The following MTUS1 variants were observed in gnomAD, a reference collection of about 807,000 sequenced individuals.
MTUS1 encodes the protein microtubule associated scaffold protein 1, also known as microtubule-associated tumor suppressor 1.
In MTUS1, 109 loss-of-function variants were observed where a neutral mutation model predicts 120.8. The ratio of observed to expected loss-of-function variants is 0.90; its 90% CI spans 0.77 to 1.06. MTUS1 has a LOEUF of 1.06. Among genes scored for constraint, MTUS1 ranks in the 50% least tolerant of loss-of-function variants. The pLI, the probability that MTUS1 is intolerant of heterozygous loss-of-function variation, is 0.00. For synonymous variants in MTUS1, 737 were observed against 550.5 expected (o/e 1.34, Z -4.74); for missense variants, 2,210 against 1,486.3 (o/e 1.49, Z -8.01).
At position 17,763,602 on chromosome 8, in the gene MTUS1, G is replaced by A. The variant is rs575662240; in HGVS notation, c.-154-7641C>T. Among the ~76,000 whole-genome samples, 41 of 152,110 alleles carry A rather than the reference G, an allele frequency of 2.7e-4. 1 individual carries two copies. Among genetic ancestry groups the A allele is most frequent in the African/African-American group, 8.9e-4 (37 of 41,508 alleles). The stretch of plus-strand genomic sequence containing the variant: ...TCTTTTTTTCTCTTGGGAATGAGCT[G>A]CCCACCAGAGCCAGGACGACGGTGC... On this transcript the variant is annotated intron_variant, in intron 1 of 14. Transcript: ENST00000693296.
At chr8:17,758,427 T>G (rs2048789085) in intron 1 of MTUS1, among the ~76,000 whole-genome samples, 1 of 152,248 alleles carries the variant, frequency 6.6e-6, no homozygotes, top group South Asian at 2.1e-4. Flanking sequence ...ATGGAAAGTG[T>G]AAATTTGTGA....
intron 1 of MTUS1, among the ~76,000 whole-genome samples, chr8:17,795,408 G>A (rs1187109096): frequency 1.3e-5 from 2 of 152,124 alleles, no homozygotes; most frequent in East Asian, 3.9e-4. Context: ...TCATGCTTAA[G>A]ACACAATTTA....
chr8:17,759,173 GC>G (rs1216049414), intron 1 of MTUS1, among the ~76,000 whole-genome samples: 38 of 152,120 alleles, frequency 2.5e-4, no homozygotes, highest in African/African-American at 7.7e-4. Context: ...GAGCCACCAT[GC>G]CCGGCCCCAA....
intron 1 of MTUS1, among the ~76,000 whole-genome samples, chr8:17,787,948 C>T (rs1378838359): frequency 6.6e-6 from 1 of 152,142 alleles, no homozygotes; most frequent in Non-Finnish European, 1.5e-5. Context: ...GGTGAAACCC[C>T]ACCTGCACTA....
intron 4 of MTUS1, among the ~76,000 whole-genome samples, chr8:17,722,925 C>A (rs2045943501): frequency 6.6e-6 from 1 of 152,226 alleles, no homozygotes; most frequent in African/African-American, 2.4e-5. Context: ...CTCCTCTCCA[C>A]ACCCTTGTGT....
intron 4 of MTUS1, chr8:17,721,930 G>C (rs780399957): frequency 5.0e-6 from 8 of 1,593,710 alleles, no homozygotes; most frequent in Non-Finnish European, 6.8e-6. Flanking sequence ...GCTTAAGCAG[G>C]AAAAACTGCA....
At chr8:17,662,896 A>C (rs1810073448) in intron 8 of MTUS1, among the ~76,000 whole-genome samples, 1 of 151,988 alleles carries the variant, frequency 6.6e-6, no homozygotes, top group East Asian at 1.9e-4. Flanking sequence ...AAGGGGAGGA[A>C]GGAGAAGAAG....
At position 17,755,141 on chromosome 8, in the gene MTUS1, A is replaced by G. The variant is rs1432402926; in HGVS notation, c.667T>C (p.Tyr223His). The G allele has an allele frequency of 6.2e-7, 1 of 1,614,094 alleles. No individual in the cohort carries two copies. The highest frequency in any genetic ancestry group is 8.5e-7 in the Non-Finnish European group (1 of 1,180,006). Residue 223 changes from tyrosine (Y) to histidine (H), a missense_variant, in exon 2 of 15, where the codon TAT becomes CAT. Tyr to His is a moderately conservative substitution (Grantham distance 83). Transcript: ENST00000693296. ...GGGTTTTCAAAGCTTTCTCTATCAT[A>G]AGTAGTTTCTCTTGCATGCGTCTTA... ...SDKTHARETT[Y>H]DRESFENPQV... is the part of the protein sequence containing the mutation.
chr8:17,654,662 T>C lies in MTUS1; in HGVS notation c.3113A>G (p.Asp1038Gly). ...KYKMQLQEQF[D>G]NLNAAHETSK... ...GGTTTCATGCGCAGCATTTAAGTTG[T>C]CAAACTGTAAGCAACAAACAAAACC... is the stretch of plus-strand genomic sequence containing the variant. The change falls in exon 10 of 15, where the codon GAC (aspartate) becomes GGC (glycine). Residue 1038 changes from aspartate to glycine, a missense_variant. Asp to Gly is a moderately conservative substitution (Grantham distance 94). Coordinates refer to ENST00000693296, the MANE Select transcript of MTUS1 (RefSeq NM_001363059.2). 6.2e-7 allele frequency: 1 copy of C among 1,612,156 alleles called. No individual in the cohort carries two copies.
chr8:17,733,092 C>A (rs1218245396), intron 3 of MTUS1, among the ~76,000 whole-genome samples: 1 of 152,042 alleles, frequency 6.6e-6, no homozygotes, highest in Non-Finnish European at 1.5e-5. Context: ...GCCTCACGCC[C>A]GTAATCCCAG....
rs78863030 is a variant in MTUS1 at position 17,778,984 on chromosome 8, C to G, written c.-155+22077G>C. ...CTGCTATGAGCTAGTACAGAGTGAA[C>G]AAAATAGACAAAAAAATAGACACAA... On this transcript the variant is annotated intron_variant, in intron 1 of 14. Transcript: ENST00000693296. Among the ~76,000 whole-genome samples the G allele has an allele frequency of 8.1e-3, 1,232 of 152,064 alleles. 56 individuals carry two copies. The highest frequency in any genetic ancestry group is 0.063 in the East Asian group (323 of 5,164).
chr8:17,720,583 G>C (rs2131085414), intron 4 of MTUS1, among the ~76,000 whole-genome samples: 2 of 152,216 alleles, frequency 1.3e-5, no homozygotes, highest in South Asian at 4.1e-4. Context: ...ACATGGTTTT[G>C]TGGCCAAAGT....
chr8:17,669,915 G>A (rs1329145541), intron 8 of MTUS1, among the ~76,000 whole-genome samples: 9 of 152,198 alleles, frequency 5.9e-5, no homozygotes, highest in Admixed American at 2.0e-4. Flanking sequence ...GATCCTGGCC[G>A]CAAGTGGAGT....
chr8:17,662,046 CGT>C (rs1224597281), intron 8 of MTUS1, among the ~76,000 whole-genome samples: 1 of 152,112 alleles, frequency 6.6e-6, no homozygotes, highest in Non-Finnish European at 1.5e-5. Flanking sequence ...GTGACATAAA[CGT>C]GTGTGTGTGG....
intron 6 of MTUS1, chr8:17,692,152 T>C (rs1817067906): frequency 6.6e-6 from 1 of 152,198 alleles, no homozygotes. Flanking sequence ...CTGTTCTGCC[T>C]TCTCTGTGGC....
At chr8:17,776,673 T>A (rs145493344) in intron 1 of MTUS1, among the ~76,000 whole-genome samples, 4 of 81,942 alleles carry the variant, frequency 4.9e-5, no homozygotes, top group Non-Finnish European at 9.1e-5. Context: ...AGTGAGACTC[T>A]GTCTCAAAAA....
At chr8:17,782,979 G>A (rs1368728001) in intron 1 of MTUS1, among the ~76,000 whole-genome samples, 2 of 152,168 alleles carry the variant, frequency 1.3e-5, no homozygotes, top group Non-Finnish European at 2.9e-5. Flanking sequence ...TCAGGAGGCT[G>A]AGGCAGGAGA....
At chr8:17,797,896 C>T (rs954824684) in intron 1 of MTUS1, among the ~76,000 whole-genome samples, 4 of 152,122 alleles carry the variant, frequency 2.6e-5, no homozygotes, top group Non-Finnish European at 4.4e-5. Context: ...AGAGAAAGAA[C>T]CCAACTTTGA....
chr8:17,713,377 A>T, intron 5 of MTUS1, 125 bp from the exon 6 acceptor site: 1 of 645,674 alleles, frequency 1.5e-6, no homozygotes, highest in East Asian at 2.9e-5. Flanking sequence ...TCCCGGTGGG[A>T]AATATCACCG....
Sources: gnomAD v4.1 joint callset for allele counts (sites outside exome capture counted in the v4.1 genomes callset) on GRCh38, gnomAD v4.1.1 for gene constraint, MANE v1.5 for transcripts, NCBI Gene and HGNC (gene_info 2026-07-23, HGNC 2026-07-21) for gene names.